The following NIBAN3 variants were observed in gnomAD, a reference collection of about 807,000 sequenced individuals.
NIBAN3 encodes protein Niban 3.
NIBAN3 carries 66 observed loss-of-function variants against 76.4 expected under a neutral mutation model. The ratio of observed to expected loss-of-function variants is 0.86; its 90% CI spans 0.71 to 1.06. The LOEUF (loss-of-function observed/expected upper bound fraction) is 1.06, where lower values mean the gene tolerates loss of function less well. NIBAN3 is among the 50% of genes least tolerant of loss of function. NIBAN3 has a pLI of 0.00. For missense variants in NIBAN3, 808 were observed against 810.7 expected, an observed-to-expected ratio of 1.00 and a Z score of 0.04; for synonymous variants, 360 against 355.2, an observed-to-expected ratio of 1.01 and a Z score of -0.15.
rs967737403 is a variant in NIBAN3 at position 17,553,067 on chromosome 19, C to A, written c.*1169C>A. On this transcript the variant is annotated 3_prime_UTR_variant, in exon 15 of 15. Coordinates refer to ENST00000599164, the MANE Select transcript of NIBAN3 (RefSeq NM_001321827.2). Reference sequence around the variant, plus strand: ...TCCAGCCTGGGTGATGGGAGTGAGACCCTGTCTCAAAAAACAAAATCCAAA... The same window carrying A: ...TCCAGCCTGGGTGATGGGAGTGAGAACCTGTCTCAAAAAACAAAATCCAAA... The A allele has an allele frequency of 1.2e-5, 5 of 418,494 alleles. No individual in the cohort carries two copies. Among genetic ancestry groups the A allele is most frequent in the African/African-American group, 8.3e-5 (4 of 48,468 alleles). The allele number at this position is 418,494 out of a possible 1,614,324, so 25.9% of individuals were successfully genotyped here. A position where few individuals can be genotyped will look rare whatever the true frequency, so the allele number is the denominator to read the frequency against.
chr19:17,541,146 G>T (rs1355824889), intron 9 of NIBAN3, among the ~76,000 whole-genome samples: 1 of 152,110 alleles, frequency 6.6e-6, no homozygotes, highest in Non-Finnish European at 1.5e-5. Flanking sequence ...CCCCTGTAGG[G>T]CAACAACCCA....
intron 5 of NIBAN3, among the ~76,000 whole-genome samples, chr19:17,537,943 TCACACA>T (rs34026263): frequency 2.2e-4 from 32 of 145,890 alleles, no homozygotes; most frequent in African/African-American, 8.1e-4. Context: ...CAAAACTCCA[TCACACA>T]CACACACACA....
chr19:17,555,473 C>T (rs1264531480), downstream of NIBAN3: 6 of 249,590 alleles, frequency 2.4e-5, no homozygotes, highest in Non-Finnish European at 4.3e-5. Context: ...ATCCCTTCCA[C>T]GCGCTCCGAG....
intron 13 of NIBAN3, among the ~76,000 whole-genome samples, 174 bp downstream of exon 13, chr19:17,546,971 A>G (rs1362902633): frequency 6.6e-6 from 1 of 152,130 alleles, no homozygotes; most frequent in African/African-American, 2.4e-5. Context: ...GCAGGGATGG[A>G]TACTCTCTGA....
In NIBAN3 at chr19:17,543,584, A is replaced by G. The variant is rs1226011635; in HGVS notation, c.1507A>G (p.Ile503Val). The G allele has an allele frequency of 1.2e-6, 2 of 1,614,182 alleles. No individual in the cohort carries two copies. Among genetic ancestry groups the G allele is most frequent in the Non-Finnish European group, 1.7e-6 (2 of 1,180,030 alleles). Residue 503 changes from isoleucine to valine, a missense_variant, in exon 12 of 15, where the codon ATC becomes GTC. Transcript: ENST00000599164. Reference protein sequence around the residue: ...RRFIRGWGLCIFLPFVLSQLE... With the variant: ...RRFIRGWGLCVFLPFVLSQLE... Reference sequence around the variant, plus strand: ...GTTCATCCGAGGCTGGGGTCTCTGCATCTTTTTACCTTTTGTGCTGAGCCA... The same window carrying G: ...GTTCATCCGAGGCTGGGGTCTCTGCGTCTTTTTACCTTTTGTGCTGAGCCA...
At chr19:17,530,668 G>C in intron 1 of NIBAN3, 87 bp from the exon 2 acceptor site, 1 of 1,356,754 alleles carries the variant, frequency 7.4e-7, no homozygotes, top group South Asian at 1.5e-5. Context: ...GAGCCCCCAG[G>C]TGGCTTCCCT....
At chr19:17,528,544 G>A (rs570008165) in intron 1 of NIBAN3, among the ~76,000 whole-genome samples, 10 of 152,264 alleles carry the variant, frequency 6.6e-5, no homozygotes, top group Admixed American at 5.2e-4. Flanking sequence ...CAGGCCCCTC[G>A]GTAGGACCCT....
chr19:17,528,921 G>A (rs1047778653), intron 1 of NIBAN3, among the ~76,000 whole-genome samples: 1 of 152,010 alleles, frequency 6.6e-6, no homozygotes, highest in Non-Finnish European at 1.5e-5. Context: ...TTCCTTGAGG[G>A]TAGGGAAGAG....
In NIBAN3 at chr19:17,553,483, C is replaced by T. The variant is rs1162878033; in HGVS notation, c.*1585C>T. 6.2e-7 allele frequency: 1 copy of T among 1,614,092 alleles called. No individual in the cohort carries two copies. Among genetic ancestry groups the T allele is most frequent in the Non-Finnish European group, 8.5e-7 (1 of 1,180,056 alleles). ...GGATTCCCGTGTGTTCTTGGTTCAG[C>T]TTGCAGAGGGACTTTCACACTCCCT... On this transcript the variant is annotated 3_prime_UTR_variant, in exon 15 of 15. Coordinates refer to ENST00000599164, the MANE Select transcript of NIBAN3 (RefSeq NM_001321827.2).
Position 17,539,444 on chromosome 19 carries a change from G to C in NIBAN3, c.809G>C (p.Trp270Ser). ...GCAGGCCGCGCCCGCGCCTGGGCCT[G>C]GACCGAGGTATGCACGGCGTCCGGA... ...RGAGRARAWA[W>S]TELLDAVHAA... Residue 270 changes from tryptophan (W) to serine (S), a missense_variant, in exon 7 of 15, where the codon TGG becomes TCG. Physicochemically the swap from Trp to Ser is radical, Grantham distance 177. Coordinates refer to ENST00000599164, the MANE Select transcript of NIBAN3 (RefSeq NM_001321827.2). The C allele has an allele frequency of 6.7e-7, 1 of 1,484,452 alleles. No individual in the cohort carries two copies. The highest frequency in any genetic ancestry group is 8.9e-7 in the Non-Finnish European group (1 of 1,120,964). The allele number at this position is 1,484,452 out of a possible 1,614,324, so 92.0% of individuals were successfully genotyped here.
chr19:17,540,707 T>C, intron 9 of NIBAN3, 125 bp downstream of exon 9: 1 of 691,830 alleles, frequency 1.4e-6, no homozygotes, highest in Non-Finnish European at 2.1e-6. Context: ...CCCATCACCA[T>C]GCTATGGTCA....
Position 17,542,225 on chromosome 19 carries a change from G to C in NIBAN3, c.1260G>C (p.Gln420His). ...AGCGGAGCCGGGGGCGCTTGGGGCAGCTGGCAGCACCGTTTGGCTTTCTGG... is the reference window on the plus strand; with the variant it reads ...AGCGGAGCCGGGGGCGCTTGGGGCACCTGGCAGCACCGTTTGGCTTTCTGG... ...EAERSRGRLG[Q>H]LAAPFGFLGM... The change falls in exon 10 of 15, where the codon CAG (glutamine) becomes CAC (histidine). Residue 420 changes from glutamine to histidine, a missense_variant. Physicochemically the swap from Gln to His is conservative, Grantham distance 24. Transcript: ENST00000599164. This position sits in a 1 kb window ranked among gnomAD's most constrained non-coding sequence, Gnocchi z 4.8. 6.2e-7 allele frequency: 1 copy of C among 1,614,040 alleles called. No individual in the cohort carries two copies. Among genetic ancestry groups the C allele is most frequent in the Non-Finnish European group, 8.5e-7 (1 of 1,180,020 alleles).
At chr19:17,539,961 T>A (rs1264190394) in intron 8 of NIBAN3, among the ~76,000 whole-genome samples, 196 bp downstream of exon 8, 1 of 151,434 alleles carries the variant, frequency 6.6e-6, no homozygotes, top group Non-Finnish European at 1.5e-5. Flanking sequence ...GGGCGTGGTC[T>A]TGTGGTCGAG....
chr19:17,532,831 C>T (rs560244494), intron 3 of NIBAN3, among the ~76,000 whole-genome samples: 2 of 151,928 alleles, frequency 1.3e-5, no homozygotes, highest in East Asian at 3.9e-4. Context: ...GTGGGGAGCC[C>T]GTGGGTGCTG....
chr19:17,550,795 A>G (rs529527830), intron 14 of NIBAN3, among the ~76,000 whole-genome samples: 56 of 148,436 alleles, frequency 3.8e-4, no homozygotes, highest in Admixed American at 1.4e-3. Context: ...TTTGGTTTCT[A>G]GTCTTCCATA....
rs1242649476 is a variant in NIBAN3, at chr19:17,553,551, C to T, written c.*1653C>T. The T allele has an allele frequency of 1.9e-6, 3 of 1,613,992 alleles. No individual in the cohort carries two copies. The South Asian group carries it at 3.3e-5, about 18-fold the overall frequency. On this transcript the variant is annotated 3_prime_UTR_variant, in exon 15 of 15. Coordinates refer to ENST00000599164, the MANE Select transcript of NIBAN3 (RefSeq NM_001321827.2). ...ATTCTGTCTGGAGTTTTCGGCCTAC[C>T]CCAAGACAATGAGATATTCCTGACC...
At chr19:17,537,567 A>G in intron 5 of NIBAN3, 24 bp downstream of exon 5, 1 of 1,550,980 alleles carries the variant, frequency 6.4e-7, no homozygotes, top group Non-Finnish European at 8.7e-7. Context: ...CGGGTCAGAC[A>G]TTTGTGGGGC....
intron 13 of NIBAN3, among the ~76,000 whole-genome samples, chr19:17,547,283 G>A (rs1166676919): frequency 6.6e-6 from 1 of 150,750 alleles, no homozygotes; most frequent in Non-Finnish European, 1.5e-5. Context: ...GAACCCAGGA[G>A]GCGGAGGTTG....
chr19:17,545,165 ATTTTAT>A (rs2076027692), intron 12 of NIBAN3: 1 of 25,714 alleles, frequency 3.9e-5, no homozygotes, highest in African/African-American at 1.4e-4. Context: ...TATTTTATTT[ATTTTAT>A]TTTATTTTAT....
Sources: gnomAD v4.1 joint callset for allele counts (sites outside exome capture counted in the v4.1 genomes callset) on GRCh38, gnomAD v4.1.1 for gene constraint, Gnocchi (gnomAD v3.1) non-coding constraint, MANE v1.5 for transcripts, NCBI Gene and HGNC (gene_info 2026-07-23, HGNC 2026-07-21) for gene names.